The following SNX11 variants were observed in gnomAD, a reference collection of about 807,000 sequenced individuals.
SNX11 encodes sorting nexin 11.
A neutral mutation model predicts 30.7 loss-of-function variants in SNX11; 19 were observed. That is an observed-to-expected ratio of 0.62 (90% CI 0.43 to 0.91). SNX11 has a LOEUF of 0.91. Among genes scored for constraint, SNX11 ranks in the 40% least tolerant of loss-of-function variants. The probability of loss-of-function intolerance (pLI) is 0.00; values close to 1 mark genes in which losing one functional copy is unlikely to be tolerated. For synonymous variants in SNX11, 112 were observed against 119.0 expected (o/e 0.94, Z 0.38); for missense variants, 302 against 326.7 (o/e 0.92, Z 0.58).
At chr17:48,109,019 G>A (rs550173381) in intron 1 of SNX11, among the ~76,000 whole-genome samples, 9 of 151,902 alleles carry the variant, frequency 5.9e-5, no homozygotes, top group Middle Eastern at 3.4e-3. Flanking sequence ...TGCAGACTCC[G>A]CCTCCTGGGT....
At chr17:48,114,959 G>A (rs919629333) in intron 4 of SNX11, among the ~76,000 whole-genome samples, 10 of 150,504 alleles carry the variant, frequency 6.6e-5, no homozygotes, top group African/African-American at 2.2e-4. Flanking sequence ...GAGCCACTGC[G>A]CCCAGCCTGG....
In SNX11 at chr17:48,114,220, C is replaced by G. The variant is rs185391006; in HGVS notation, c.230+819C>G. ...TTTGCTCTTGTTGCCTGGGTGCGATCTCGGCTCACCGCAACCTCCACCTCC... is the reference window on the plus strand; with the variant it reads ...TTTGCTCTTGTTGCCTGGGTGCGATGTCGGCTCACCGCAACCTCCACCTCC... On this transcript the variant is annotated intron_variant, in intron 4 of 6. Transcript: ENST00000359238. 6.9e-3 allele frequency among the ~76,000 whole-genome samples: 1,009 copies of G among 146,150 alleles called. 9 individuals carry two copies. The highest frequency in any genetic ancestry group is 0.016 in the South Asian group (75 of 4,664).
chr17:48,123,168 C>T lies in SNX11; in HGVS notation c.*1660C>T, dbSNP rs1454992339. On this transcript the variant is annotated 3_prime_UTR_variant, in exon 7 of 7. Transcript: ENST00000359238. Reference sequence around the variant, plus strand: ...GAGCAAGGCGAGGATAGAAAACCTACAGAGGCAAATCCAAAATGTCAGAAG... The same window carrying T: ...GAGCAAGGCGAGGATAGAAAACCTATAGAGGCAAATCCAAAATGTCAGAAG... The T allele has an allele frequency of 6.6e-6, 1 of 152,214 alleles. No homozygotes were observed. Among genetic ancestry groups the T allele is most frequent in the East Asian group, 1.9e-4 (1 of 5,204 alleles). The allele number at this position is 152,214 out of a possible 1,614,324, so 9.4% of individuals were successfully genotyped here.
chr17:48,107,652 C>G (rs2072441), upstream of SNX11: 74,737 of 152,256 alleles, frequency 0.49, 20,155 homozygotes, highest in East Asian at 0.71. Flanking sequence ...CGGAGCCGCG[C>G]TATTCGGAAG....
chr17:48,108,488 G>A (rs2063458435), intron 1 of SNX11, among the ~76,000 whole-genome samples: 1 of 152,174 alleles, frequency 6.6e-6, no homozygotes, highest in African/African-American at 2.4e-5. Context: ...CACCTGATTT[G>A]TTTCTTAACC....
chr17:48,119,178 G>A lies in SNX11; in HGVS notation c.531G>A (p.Gln177=). 6.2e-7 allele frequency: 1 copy of A among 1,613,356 alleles called. No individual in the cohort carries two copies. Among genetic ancestry groups the A allele is most frequent in the Non-Finnish European group, 8.5e-7 (1 of 1,179,528 alleles). Residue 177 remains glutamine (Q), a synonymous_variant, in exon 6 of 7, where the codon CAG becomes CAA. Transcript: ENST00000359238. ...CTTCTCACCTGGCTAAAGGAGACCA[G>A]CCTAAGAGGTAACTGGAGTACTCTT... ...QSSSHLAKGD[Q]PKSCCFLPRS... is the part of the protein sequence containing the mutation.
chr17:48,117,258 A>AT (rs71141966), intron 4 of SNX11, among the ~76,000 whole-genome samples: 1 of 132,064 alleles, frequency 7.6e-6, no homozygotes, highest in Non-Finnish European at 1.6e-5. Flanking sequence ...TATTTATTTA[A>AT]TTTTTTTTTT....
chr17:48,107,575 C>G (rs1445591730), upstream of SNX11: 3 of 152,314 alleles, frequency 2.0e-5, no homozygotes, highest in Admixed American at 2.0e-4. Context: ...CCGGCACCTG[C>G]GTGCACTCTC....
At chr17:48,120,873 C>G (rs886436756) in intron 6 of SNX11, among the ~76,000 whole-genome samples, 11 of 150,026 alleles carry the variant, frequency 7.3e-5, no homozygotes, top group South Asian at 6.3e-4. Context: ...TCTCCACCTC[C>G]CAGACTCAAA....
At chr17:48,117,085 G>A (rs1249843456) in intron 4 of SNX11, among the ~76,000 whole-genome samples, 3 of 149,310 alleles carry the variant, frequency 2.0e-5, no homozygotes, top group Non-Finnish European at 3.0e-5. Flanking sequence ...ATGGAGTTTC[G>A]CTCTTGTTGC....
chr17:48,111,188 T>C lies in SNX11; in HGVS notation c.-13-843T>C, dbSNP rs1044579911. The stretch of plus-strand genomic sequence containing the variant: ...GATTGGATAAGGGGAAGGTCCCAAC[T>C]GGGCAACCCACTCAGGTGCTCCTTG... On this transcript the variant is annotated intron_variant, in intron 1 of 6. Transcript: ENST00000359238. 1.6e-5 allele frequency: 15 copies of C among 936,308 alleles called. No homozygotes were observed. The African/African-American group carries it at 2.1e-4, about 13-fold the overall frequency. 58.0% of individuals were successfully genotyped at this position (936,308 alleles called of 1,614,324 possible). A position where few individuals can be genotyped will look rare whatever the true frequency, so the allele number is the denominator to read the frequency against.
Position 48,113,309 on chromosome 17 carries a change from C to T in SNX11, c.138C>T (p.Ser46=), listed in dbSNP as rs191229840. 8.1e-6 allele frequency: 13 copies of T among 1,613,080 alleles called. No homozygotes were observed. In the African/African-American group the frequency reaches 1.7e-4, roughly 22 times the overall value. Residue 46 remains serine (S), a synonymous_variant, in exon 4 of 7, where the codon AGC becomes AGT. Transcript: ENST00000359238. ...VDYKIFLHTN[S]KAFTAKTSCV... ...TGTGCTTTCATGTATAGACCAACAG[C>T]AAAGCCTTTACTGCCAAGACTTCCT...
intron 1 of SNX11, among the ~76,000 whole-genome samples, chr17:48,108,632 T>G (rs996950559): frequency 3.9e-5 from 6 of 152,252 alleles, no homozygotes; most frequent in African/African-American, 1.4e-4. Context: ...CCAGAGCTAC[T>G]GGTGCTGGTA....
chr17:48,112,209 G>A (rs941221287), intron 2 of SNX11, 124 bp downstream of exon 2: 4 of 907,712 alleles, frequency 4.4e-6, no homozygotes, highest in Non-Finnish European at 7.4e-6. Flanking sequence ...GTTCTGATGA[G>A]CTCAGAATAA....
intron 3 of SNX11, 64 bp from the exon 4 acceptor site, chr17:48,113,237 C>A: frequency 7.7e-7 from 1 of 1,296,628 alleles, no homozygotes; most frequent in Non-Finnish European, 1.1e-6. Context: ...TGATAGGGAG[C>A]TCATGTGAAC....
intron 3 of SNX11, 141 bp from the exon 4 acceptor site, chr17:48,113,160 C>T (rs1157542073): frequency 6.2e-6 from 4 of 640,318 alleles, no homozygotes; most frequent in Non-Finnish European, 1.1e-5. Flanking sequence ...TGCCTGGTGG[C>T]ACCTTGTTCT....
intron 4 of SNX11, among the ~76,000 whole-genome samples, chr17:48,115,849 G>C (rs907658422): frequency 6.6e-6 from 1 of 152,094 alleles, no homozygotes; most frequent in Non-Finnish European, 1.5e-5. Flanking sequence ...CCTGGGGCAG[G>C]CCCTAATAAA....
rs71141968 is a variant in SNX11, at chr17:48,120,507, C to CTTTTTTTTTT, written c.540-717_540-708dup. On this transcript the variant is annotated intron_variant, in intron 6 of 6. Transcript: ENST00000359238. ...ACAGGTGTGAGCCATCGCACCTGGC[C>CTTTTTTTTTT]TTTTTTTTTTTTTTTTTTTTGAGAT... is the stretch of plus-strand genomic sequence containing the variant. Among the ~76,000 whole-genome samples the CTTTTTTTTTT allele has an allele frequency of 2.9e-5, 2 of 69,536 alleles. 1 individual carries two copies. 45.6% of individuals were successfully genotyped at this position (69,536 alleles called of 152,430 possible).
At chr17:48,115,519 A>C (rs2063536856) in intron 4 of SNX11, among the ~76,000 whole-genome samples, 1 of 152,230 alleles carries the variant, frequency 6.6e-6, no homozygotes, top group African/African-American at 2.4e-5. Flanking sequence ...CTAACATTTT[A>C]AACAGTTTAA....
Sources: gnomAD v4.1 joint callset for allele counts (sites outside exome capture counted in the v4.1 genomes callset) on GRCh38, gnomAD v4.1.1 for gene constraint, MANE v1.5 for transcripts, NCBI Gene and HGNC (gene_info 2026-07-23, HGNC 2026-07-21) for gene names.